Variants in ARHGAP6 observed in about 807,000 individuals in gnomAD.
ARHGAP6 encodes Rho GTPase activating protein 6, also known as rho GTPase-activating protein 6.
Under a neutral mutation model 55.7 loss-of-function variants are expected in ARHGAP6, and 16 were observed. That is an observed-to-expected ratio of 0.29 (90% CI 0.19 to 0.44). The LOEUF is 0.44. Ranked by LOEUF, ARHGAP6 falls within the 20% of genes least tolerant of loss-of-function variation. ARHGAP6 has a pLI of 1.00. For missense variants in ARHGAP6, 698 were observed against 808.9 expected, an observed-to-expected ratio of 0.86 and a Z score of 1.66; for synonymous variants, 382 against 360.9, an observed-to-expected ratio of 1.06 and a Z score of -0.66.
chrX:11,428,407 C>T (rs928100958), intron 1 of ARHGAP6, among the ~76,000 whole-genome samples: 4 of 111,870 alleles, frequency 3.6e-5, no homozygotes, highest in Non-Finnish European at 5.6e-5. Context: ...TAAAACTGGC[C>T]TCTGCTCTGA....
intron 10 of ARHGAP6, among the ~76,000 whole-genome samples, chrX:11,151,959 A>G (rs2045786818): frequency 1.8e-5 from 2 of 112,209 alleles, no homozygotes; most frequent in African/African-American, 3.2e-5. Flanking sequence ...CTTGTGTCAT[A>G]TTGCCTGGAA....
chrX:11,174,639 C>CTTTCTTTCTTTCTTTCTCTTTCT (rs2046171221), intron 8 of ARHGAP6, among the ~76,000 whole-genome samples: 2 of 62,339 alleles, frequency 3.2e-5, no homozygotes, highest in Non-Finnish European at 5.7e-5. Flanking sequence ...TTCTTTCTTT[C>CTTTCTTTCTTTCTTTCTCTTTCT]TTTCTTTCTT....
At chrX:11,614,722 C>T (rs1161068349) in intron 1 of ARHGAP6, among the ~76,000 whole-genome samples, 1 of 111,783 alleles carries the variant, frequency 8.9e-6, no homozygotes, top group East Asian at 2.8e-4. Context: ...GAGTGACAAA[C>T]GTAGCACATG....
At chrX:11,448,882 C>A (rs1007670003) in intron 1 of ARHGAP6, among the ~76,000 whole-genome samples, 3 of 111,884 alleles carry the variant, frequency 2.7e-5, no homozygotes, top group Non-Finnish European at 5.6e-5. Context: ...ACACTTCTCT[C>A]CTACCATAAA....
chrX:11,527,055 T>C (rs1483311851), intron 1 of ARHGAP6, among the ~76,000 whole-genome samples: 3 of 107,162 alleles, frequency 2.8e-5, no homozygotes, highest in African/African-American at 1.0e-4. Context: ...TGTGTGTGTG[T>C]GTGTCTTTTA....
intron 9 of ARHGAP6, among the ~76,000 whole-genome samples, chrX:11,161,329 T>G (rs2147293921): frequency 8.9e-6 from 1 of 112,080 alleles, no homozygotes; most frequent in South Asian, 3.7e-4. Context: ...GTAAATAAAC[T>G]GATAGGAAAC....
intron 1 of ARHGAP6, among the ~76,000 whole-genome samples, chrX:11,553,784 A>G (rs1165998615): frequency 8.9e-6 from 1 of 111,809 alleles, no homozygotes; most frequent in East Asian, 2.8e-4. Context: ...TTACACAACT[A>G]TTTCTTGAAA....
chrX:11,227,498 T>G (rs186830171), intron 2 of ARHGAP6, among the ~76,000 whole-genome samples: 1 of 111,908 alleles, frequency 8.9e-6, no homozygotes, highest in East Asian at 2.8e-4. Context: ...CTGAGTTATC[T>G]CTTCTCTTCT....
At chrX:11,282,671 G>A (rs757206195) in intron 1 of ARHGAP6, among the ~76,000 whole-genome samples, 1 of 112,026 alleles carries the variant, frequency 8.9e-6, no homozygotes, top group East Asian at 2.8e-4. Context: ...GTGGCACCTG[G>A]CCATCGATAT....
At chrX:11,652,699 G>A (rs2147199482) in intron 1 of ARHGAP6, among the ~76,000 whole-genome samples, 1 of 111,522 alleles carries the variant, frequency 9.0e-6, no homozygotes, top group Admixed American at 9.5e-5. Context: ...AAGTTTCAGG[G>A]AGACTGGTTG....
intron 1 of ARHGAP6, among the ~76,000 whole-genome samples, chrX:11,307,131 T>C (rs2048246548): frequency 9.0e-6 from 1 of 110,885 alleles, no homozygotes; most frequent in African/African-American, 3.3e-5. Flanking sequence ...TCTCACTGAT[T>C]AGTTCAATGA....
At chrX:11,633,978 A>G (rs930019646) in intron 1 of ARHGAP6, among the ~76,000 whole-genome samples, 14 of 111,586 alleles carry the variant, frequency 1.3e-4, no homozygotes, top group African/African-American at 4.6e-4. Flanking sequence ...TAATATTTGT[A>G]AAACAAATAA....
Position 11,590,869 on chromosome X carries a change from G to GAAAAGAAAAGAAAA in ARHGAP6, c.588+73371_588+73372insTTTTCTTTTCTTTT, listed in dbSNP as rs2051813205. ...AAGAAAAGAAAAGAAAAGAAAAGAA[G>GAAAAGAAAAGAAAA]GAAAGAAAGAAAGAAAGAAAGAAAG... On this transcript the variant is annotated intron_variant, in intron 1 of 12. Coordinates refer to ENST00000337414, the MANE Select transcript of ARHGAP6 (RefSeq NM_013427.3). 3.7e-4 allele frequency among the ~76,000 whole-genome samples: 9 copies of GAAAAGAAAAGAAAA among 24,221 alleles called. 1 individual carries two copies. Among genetic ancestry groups the GAAAAGAAAAGAAAA allele is most frequent in the Middle Eastern group, 0.042 (2 of 48 alleles). 21.0% of individuals were successfully genotyped at this position (24,221 alleles called of 115,157 possible).
chrX:11,532,007 C>T (rs140945857), intron 1 of ARHGAP6, among the ~76,000 whole-genome samples: 102 of 112,542 alleles, frequency 9.1e-4, no homozygotes, highest in African/African-American at 3.2e-3. Flanking sequence ...TCCAAGGATG[C>T]TATTGAGGCA....
At chrX:11,227,797 T>TC (rs2047072856) in intron 2 of ARHGAP6, among the ~76,000 whole-genome samples, 1 of 109,896 alleles carries the variant, frequency 9.1e-6, no homozygotes, top group African/African-American at 3.3e-5. Flanking sequence ...CTTTTTCTTT[T>TC]TTCTTTTTTT....
At chrX:11,369,626 A>G (rs1018241933) in intron 1 of ARHGAP6, among the ~76,000 whole-genome samples, 5 of 111,833 alleles carry the variant, frequency 4.5e-5, no homozygotes, top group African/African-American at 1.6e-4. Flanking sequence ...ATCTCAGAGG[A>G]ATGATGTGAA....
At chrX:11,181,959 A>G in intron 6 of ARHGAP6, 104 bp downstream of exon 6, 1 of 687,353 alleles carries the variant, frequency 1.5e-6, no homozygotes, top group Non-Finnish European at 2.2e-6. Flanking sequence ...GTAAAAAAAA[A>G]AAAAAAGATA....
In ARHGAP6 at chrX:11,138,590, T is replaced by C. The variant is rs2052409096; in HGVS notation, c.*273A>G. On this transcript the variant is annotated 3_prime_UTR_variant, in exon 13 of 13. Transcript: ENST00000337414. ...TATACCAAGCAAGAGTTGTATCTTA[T>C]ATTATAGAGCCAAGAGGGACGTTTT... The C allele has an allele frequency of 5.1e-6, 2 of 391,506 alleles. No individual in the cohort carries two copies. The highest frequency in any genetic ancestry group is 2.6e-5 in the African/African-American group (1 of 39,162). 32.3% of individuals were successfully genotyped at this position (391,506 alleles called of 1,213,427 possible).
rs143860203 is a variant in ARHGAP6 at position 11,298,877 on chromosome X, G to A, written c.589-44170C>T. 1.7e-3 allele frequency: 2,008 copies of A among 1,208,765 alleles called. 1 individual carries two copies. The highest frequency in any genetic ancestry group is 2.1e-3 in the Non-Finnish European group (1,870 of 894,903). ...AGCCCCTGCCGCCACAGCCACCTCT[G>A]CCTCCGATGTTCCCCATGCAGCCCC... On this transcript the variant is annotated intron_variant, in intron 1 of 12. Coordinates refer to ENST00000337414, the MANE Select transcript of ARHGAP6 (RefSeq NM_013427.3).
Sources: gnomAD v4.1 joint callset for allele counts (sites outside exome capture counted in the v4.1 genomes callset) on GRCh38, gnomAD v4.1.1 for gene constraint, MANE v1.5 for transcripts, NCBI Gene and HGNC (gene_info 2026-07-23, HGNC 2026-07-21) for gene names.